The following AGMO variants were observed in gnomAD, a reference collection of about 807,000 sequenced individuals.
AGMO encodes alkylglycerol monooxygenase.
A neutral mutation model predicts 60.2 loss-of-function variants in AGMO; 75 were observed. The ratio of observed to expected loss-of-function variants is 1.25; its 90% CI spans 1.03 to 1.51. The LOEUF is 1.51. AGMO is among the 40% of genes most tolerant of loss of function. AGMO has a pLI of 0.00. For missense variants in AGMO, 763 were observed against 525.5 expected, an observed-to-expected ratio of 1.45 and a Z score of -4.42; for synonymous variants, 261 against 177.1, an observed-to-expected ratio of 1.47 and a Z score of -3.76.
intron 10 of AGMO, among the ~76,000 whole-genome samples, chr7:15,376,097 C>G (rs1228017770): frequency 2.0e-5 from 3 of 151,962 alleles, no homozygotes; most frequent in South Asian, 2.1e-4. Context: ...TGAAAGGTAG[C>G]TTTTGTTAAT....
chr7:15,553,978 C>A (rs1359855920), intron 2 of AGMO, among the ~76,000 whole-genome samples: 1 of 152,060 alleles, frequency 6.6e-6, no homozygotes, highest in Non-Finnish European at 1.5e-5. Context: ...AGTTATATTC[C>A]CTGCTTTCTA....
chr7:15,338,827 T>C (rs1263186940), intron 12 of AGMO, among the ~76,000 whole-genome samples: 1 of 152,202 alleles, frequency 6.6e-6, no homozygotes, highest in Admixed American at 6.5e-5. Flanking sequence ...TCAGTTTACA[T>C]GCTTCACTCA....
chr7:15,522,849 A>T (rs918426279), intron 3 of AGMO, among the ~76,000 whole-genome samples: 99 of 152,304 alleles, frequency 6.5e-4, no homozygotes, highest in African/African-American at 2.3e-3. Flanking sequence ...GACAAATGGG[A>T]TCTAATTAAA....
intron 5 of AGMO, among the ~76,000 whole-genome samples, chr7:15,403,143 T>C (rs557750225): frequency 6.6e-6 from 1 of 152,106 alleles, no homozygotes; most frequent in East Asian, 1.9e-4. Context: ...GAATTTATAA[T>C]CAATTTGAAC....
At chr7:15,517,467 G>A (rs1374011183) in intron 3 of AGMO, among the ~76,000 whole-genome samples, 2 of 151,086 alleles carry the variant, frequency 1.3e-5, no homozygotes, top group Non-Finnish European at 2.9e-5. Flanking sequence ...TGAGGTACCT[G>A]GCTCATCTCA....
intron 4 of AGMO, among the ~76,000 whole-genome samples, chr7:15,423,444 CTTAACCATTTCCTTT>C (rs1780978726): frequency 7.2e-6 from 1 of 139,672 alleles, no homozygotes; most frequent in African/African-American, 2.6e-5. Flanking sequence ...TTTCTATGCA[CTTAACCATTTCCTTT>C]TTACCCCATT....
At chr7:15,284,574 A>C (rs58109383) in intron 12 of AGMO, among the ~76,000 whole-genome samples, 4,879 of 152,126 alleles carry the variant, frequency 0.032, 259 homozygotes, top group African/African-American at 0.11. Context: ...CTGAATCAGT[A>C]ATTTTAAAAA....
intron 2 of AGMO, among the ~76,000 whole-genome samples, chr7:15,554,715 A>G (rs1441989737): frequency 1.3e-5 from 2 of 152,100 alleles, no homozygotes; most frequent in Admixed American, 6.6e-5. Context: ...ATTAATCCTC[A>G]TTTTTTACAA....
At chr7:15,247,427 C>T (rs897281433) in intron 12 of AGMO, among the ~76,000 whole-genome samples, 8 of 127,486 alleles carry the variant, frequency 6.3e-5, no homozygotes, top group Admixed American at 1.7e-4. Flanking sequence ...CACACACACA[C>T]ACACACACAC....
chr7:15,371,104 A>G (rs925306732), intron 10 of AGMO, among the ~76,000 whole-genome samples: 8 of 152,194 alleles, frequency 5.3e-5, no homozygotes, highest in Non-Finnish European at 8.8e-5. Flanking sequence ...CACCATATAT[A>G]AAAATTAACT....
At chr7:15,222,579 T>C (rs1227629787) in intron 12 of AGMO, among the ~76,000 whole-genome samples, 1 of 152,090 alleles carries the variant, frequency 6.6e-6, no homozygotes, top group Non-Finnish European at 1.5e-5. Flanking sequence ...TATTTCTTTA[T>C]AGAAGAAACT....
chr7:15,186,741 G>C, the AGMO span, among the ~76,000 whole-genome samples: 2 of 152,076 alleles, frequency 1.3e-5, no homozygotes, highest in Admixed American at 6.6e-5. Flanking sequence ...TTGGATGTTT[G>C]GGCCTAACCA....
chr7:15,407,085 T>TGC (rs1157978830), intron 5 of AGMO, among the ~76,000 whole-genome samples: 1 of 144,970 alleles, frequency 6.9e-6, no homozygotes, highest in Non-Finnish European at 1.5e-5. Context: ...TGTGTATATA[T>TGC]ACACATATAT....
At chr7:15,329,078 C>A (rs756995479) in intron 12 of AGMO, among the ~76,000 whole-genome samples, 14 of 152,122 alleles carry the variant, frequency 9.2e-5, no homozygotes, top group Non-Finnish European at 1.8e-4. Context: ...AAGTGCTTAT[C>A]CTTTCCCCTC....
At chr7:15,542,357 T>G (rs1048201058) in intron 3 of AGMO, among the ~76,000 whole-genome samples, 1 of 152,198 alleles carries the variant, frequency 6.6e-6, no homozygotes, top group Non-Finnish European at 1.5e-5. Flanking sequence ...AAATTTCTAA[T>G]GAGAAGCATA....
Position 15,269,537 on chromosome 7 carries a change from A to G in AGMO, c.1264-68178T>C, listed in dbSNP as rs556985123. 6.6e-5 allele frequency among the ~76,000 whole-genome samples: 10 copies of G among 152,100 alleles called. No individual in the cohort carries two copies. The East Asian group carries it at 1.9e-3, about 29-fold the overall frequency. On this transcript the variant is annotated intron_variant, in intron 12 of 12. Transcript: ENST00000342526. ...TGCATGAAAGGGAGATTATCCAGAGATGGGGGTAGTTATTGAGGGTAATAA... is the reference window on the plus strand; with the variant it reads ...TGCATGAAAGGGAGATTATCCAGAGGTGGGGGTAGTTATTGAGGGTAATAA...
intron 3 of AGMO, among the ~76,000 whole-genome samples, chr7:15,539,300 C>T (rs577282204): frequency 2.6e-5 from 4 of 152,138 alleles, no homozygotes; most frequent in African/African-American, 4.8e-5. Flanking sequence ...TTCTCCCACC[C>T]GCCACCCTCG....
chr7:15,276,462 A>C (rs1281243774), intron 12 of AGMO, among the ~76,000 whole-genome samples: 1 of 152,006 alleles, frequency 6.6e-6, no homozygotes, highest in Non-Finnish European at 1.5e-5. Flanking sequence ...GCTGCTTTTA[A>C]GATTTTTTTT....
chr7:15,390,166 T>TA (rs1487141214), intron 8 of AGMO, among the ~76,000 whole-genome samples: 1 of 151,874 alleles, frequency 6.6e-6, no homozygotes, highest in Non-Finnish European at 1.5e-5. Flanking sequence ...ACCACATGTC[T>TA]AAGAGAAAAC....
Sources: gnomAD v4.1 joint callset for allele counts (sites outside exome capture counted in the v4.1 genomes callset) on GRCh38, gnomAD v4.1.1 for gene constraint, MANE v1.5 for transcripts, NCBI Gene and HGNC (gene_info 2026-07-23, HGNC 2026-07-21) for gene names.